COL21A1: variants seen among roughly 807,000 people sequenced by gnomAD.
COL21A1 encodes the protein collagen type XXI alpha 1 chain, also known as collagen alpha-1(XXI) chain.
In COL21A1, 149 loss-of-function variants were observed where a neutral mutation model predicts 137.9. The observed-to-expected ratio is 1.08, with a 90% confidence interval of 0.95 to 1.24. The LOEUF is 1.24. Ranked by LOEUF, COL21A1 falls within the 50% of genes most tolerant of loss-of-function variation. The pLI, the probability that COL21A1 is intolerant of heterozygous loss-of-function variation, is 0.00. For synonymous variants in COL21A1, 456 were observed against 391.5 expected, an observed-to-expected ratio of 1.16 and a Z score of -1.95; for missense variants, 1,167 against 1,158.4, an observed-to-expected ratio of 1.01 and a Z score of -0.11.
chr6:56,128,997 C>T (rs903656153), intron 12 of COL21A1, among the ~76,000 whole-genome samples: 1 of 152,144 alleles, frequency 6.6e-6, no homozygotes, highest in Admixed American at 6.6e-5. Context: ...CCCTCCTCTC[C>T]CCAGGCTAGA....
At chr6:56,384,612 T>C (rs986789350) in intron 1 of COL21A1, among the ~76,000 whole-genome samples, 1 of 152,190 alleles carries the variant, frequency 6.6e-6, no homozygotes, top group Non-Finnish European at 1.5e-5. Flanking sequence ...GAAAGAGTAA[T>C]ATTTTCTTAA....
intron 1 of COL21A1, among the ~76,000 whole-genome samples, chr6:56,323,393 T>G (rs1406582233): frequency 2.0e-5 from 3 of 148,508 alleles, no homozygotes; most frequent in Non-Finnish European, 4.4e-5. Context: ...TTTTGTTTGT[T>G]TATTTGTTTG....
chr6:56,302,639 A>G (rs1472926921), intron 1 of COL21A1, among the ~76,000 whole-genome samples: 1 of 152,202 alleles, frequency 6.6e-6, no homozygotes, highest in African/African-American at 2.4e-5. Flanking sequence ...GCCCTTTGTC[A>G]GATGAGTAGG....
At chr6:56,213,604 G>A (rs1561991146) in intron 1 of COL21A1, among the ~76,000 whole-genome samples, 2 of 151,914 alleles carry the variant, frequency 1.3e-5, no homozygotes, top group Non-Finnish European at 2.9e-5. Context: ...TGGCATATAT[G>A]AGGTTAAATA....
chr6:56,070,714 T>G, intron 21 of COL21A1, 31 bp downstream of exon 21: 1 of 1,480,022 alleles, frequency 6.8e-7, no homozygotes, highest in East Asian at 2.4e-5. Context: ...TATAATTTCT[T>G]TGAAAATATT....
chr6:56,250,187 T>C (rs1782823428), upstream of COL21A1, among the ~76,000 whole-genome samples: 1 of 152,196 alleles, frequency 6.6e-6, no homozygotes, highest in Admixed American at 6.5e-5. Context: ...GACAACTCCT[T>C]TAATTGAAAA....
chr6:56,130,165 T>TTATATATATATATATATA (rs201644225), intron 12 of COL21A1, among the ~76,000 whole-genome samples: 9 of 107,938 alleles, frequency 8.3e-5, no homozygotes, highest in South Asian at 3.2e-4. Context: ...TGACAGGGTT[T>TTATATATATATATATATA]TATATATATA....
chr6:56,310,504 A>T (rs1764585512), intron 1 of COL21A1, among the ~76,000 whole-genome samples: 1 of 152,216 alleles, frequency 6.6e-6, no homozygotes. Flanking sequence ...TGATGCCTGA[A>T]AAGTGGGGAG....
At chr6:56,100,012 T>G (rs932900752) in intron 17 of COL21A1, among the ~76,000 whole-genome samples, 1 of 152,222 alleles carries the variant, frequency 6.6e-6, no homozygotes, top group Non-Finnish European at 1.5e-5. Context: ...TCTTTTTTTC[T>G]CACAAAACTT....
At chr6:56,158,910 G>T (rs1775990875) in intron 9 of COL21A1, among the ~76,000 whole-genome samples, 1 of 152,168 alleles carries the variant, frequency 6.6e-6, no homozygotes, top group Non-Finnish European at 1.5e-5. Context: ...GTAATGTCTC[G>T]CTGAATAAAT....
At chr6:56,318,090 A>G in intron 1 of COL21A1, among the ~76,000 whole-genome samples, 2 of 152,346 alleles carry the variant, frequency 1.3e-5, no homozygotes, top group South Asian at 4.1e-4. Context: ...TAATGACCAC[A>G]GTAAAAACAA....
intron 12 of COL21A1, among the ~76,000 whole-genome samples, chr6:56,139,331 T>C (rs1774232790): frequency 6.6e-6 from 1 of 152,168 alleles, no homozygotes; most frequent in Non-Finnish European, 1.5e-5. Flanking sequence ...AGTAATACTA[T>C]GGCTTCCACT....
At chr6:56,228,300 C>T (rs1781337076) in intron 1 of COL21A1, among the ~76,000 whole-genome samples, 1 of 151,682 alleles carries the variant, frequency 6.6e-6, no homozygotes, top group Non-Finnish European at 1.5e-5. Flanking sequence ...AAATGAGAGG[C>T]AGTAAGGGCC....
At chr6:56,290,498 G>GGTTTTTTTTTTTT (rs371058894) in intron 1 of COL21A1, among the ~76,000 whole-genome samples, 4 of 132,960 alleles carry the variant, frequency 3.0e-5, no homozygotes, top group Non-Finnish European at 6.2e-5. Context: ...TCACTTAGGA[G>GGTTTTTTTTTTTT]ATTTTTTTTT....
intron 1 of COL21A1, among the ~76,000 whole-genome samples, chr6:56,378,082 C>T (rs895689332): frequency 2.0e-5 from 3 of 152,160 alleles, no homozygotes; most frequent in East Asian, 1.9e-4. Context: ...CCAGGTACTA[C>T]GTGGAGGGCC....
At chr6:56,281,331 A>T (rs1763781399) in intron 1 of COL21A1, among the ~76,000 whole-genome samples, 1 of 152,196 alleles carries the variant, frequency 6.6e-6, no homozygotes, top group Admixed American at 6.5e-5. Flanking sequence ...GCCATTTCAC[A>T]TTTAAGTCAT....
intron 21 of COL21A1, 60 bp from the exon 22 acceptor site, chr6:56,069,177 G>C: frequency 9.1e-7 from 1 of 1,098,588 alleles, no homozygotes; most frequent in Non-Finnish European, 1.3e-6. Flanking sequence ...AAGCACCACT[G>C]TTTTTATCTC....
At chr6:56,106,504 C>T (rs76309988) in intron 16 of COL21A1, among the ~76,000 whole-genome samples, 61 of 152,196 alleles carry the variant, frequency 4.0e-4, no homozygotes, top group Non-Finnish European at 7.6e-4. Flanking sequence ...CAAGTCCTAC[C>T]CAGCACTCAT....
chr6:56,156,958 G>T lies in COL21A1; in HGVS notation c.1372-9C>A, dbSNP rs377522119. On this transcript the variant is annotated splice_polypyrimidine_tract_variant and intron_variant, in intron 9 of 29. Transcript: ENST00000244728. ...GGCAGTCCAGGGTCACCCTAAGCAGGAAGCAAACAAACTTTTGAGTACAAA... is the reference window on the plus strand; with the variant it reads ...GGCAGTCCAGGGTCACCCTAAGCAGTAAGCAAACAAACTTTTGAGTACAAA... 1.9e-6 allele frequency: 3 copies of T among 1,607,224 alleles called. No homozygotes were observed. The African/African-American group carries it at 4.0e-5, about 22-fold the overall frequency.
Sources: gnomAD v4.1 joint callset for allele counts (sites outside exome capture counted in the v4.1 genomes callset) on GRCh38, gnomAD v4.1.1 for gene constraint, MANE v1.5 for transcripts, NCBI Gene and HGNC (gene_info 2026-07-23, HGNC 2026-07-21) for gene names.